Variants in TTC6 observed in about 807,000 individuals in gnomAD.
TTC6 encodes the protein tetratricopeptide repeat domain 6, also known as tetratricopeptide repeat protein 6.
TTC6 carries 172 observed loss-of-function variants against 210.4 expected under a neutral mutation model. That is an observed-to-expected ratio of 0.82 (90% CI 0.72 to 0.93). TTC6 has a LOEUF of 0.93. Among genes scored for constraint, TTC6 ranks in the 40% least tolerant of loss-of-function variants. The pLI, the probability that TTC6 is intolerant of heterozygous loss-of-function variation, is 0.00. For synonymous variants in TTC6, 804 were observed against 819.6 expected, an observed-to-expected ratio of 0.98 and a Z score of 0.32; for missense variants, 2,414 against 2,318.1, an observed-to-expected ratio of 1.04 and a Z score of -0.85.
intron 18 of TTC6, among the ~76,000 whole-genome samples, chr14:37,795,799 T>C (rs2096091436): frequency 6.6e-6 from 1 of 152,174 alleles, no homozygotes; most frequent in South Asian, 2.1e-4. Context: ...TTCCATGCAG[T>C]ATTTCAAATG....
intron 3 of TTC6, among the ~76,000 whole-genome samples, chr14:37,694,243 C>T (rs1286387965): frequency 6.6e-6 from 1 of 152,092 alleles, no homozygotes; most frequent in African/African-American, 2.4e-5. Context: ...ATATGAGGAG[C>T]TCAAACAACT....
At chr14:37,785,428 A>G (rs1352720609) in intron 14 of TTC6, among the ~76,000 whole-genome samples, 1 of 152,166 alleles carries the variant, frequency 6.6e-6, no homozygotes, top group African/African-American at 2.4e-5. Context: ...AAGCTTGTGC[A>G]TGCATCACGT....
chr14:37,792,950 C>T (rs1243166881), intron 17 of TTC6, among the ~76,000 whole-genome samples: 1 of 152,046 alleles, frequency 6.6e-6, no homozygotes, highest in African/African-American at 2.4e-5. Flanking sequence ...TATGCCCCTG[C>T]CGTGACAAAT....
At chr14:37,746,795 G>T (rs1442397003) in intron 10 of TTC6, among the ~76,000 whole-genome samples, 1 of 152,200 alleles carries the variant, frequency 6.6e-6, no homozygotes, top group Non-Finnish European at 1.5e-5. Context: ...GTCATTGAAA[G>T]AAACTTATGC....
intron 24 of TTC6, among the ~76,000 whole-genome samples, chr14:37,810,833 A>G (rs1189783432): frequency 6.6e-6 from 1 of 152,230 alleles, no homozygotes; most frequent in Admixed American, 6.5e-5. Context: ...ACTTTATATT[A>G]ATAAAAATAC....
At position 37,644,739 on chromosome 14, in the gene TTC6, G is replaced by A. The variant is rs138770083; in HGVS notation, c.939+21736G>A. Among the ~76,000 whole-genome samples, 416 of 152,280 alleles carry A rather than the reference G, an allele frequency of 2.7e-3. 9 individuals carry two copies. Among genetic ancestry groups the A allele is most frequent in the Admixed American group, 0.02 (299 of 15,290 alleles). On this transcript the variant is annotated intron_variant, in intron 1 of 30. Coordinates refer to ENST00000553443, the Ensembl canonical transcript of TTC6. ...TATTTAGCCCTGTGCTTGGCACTAA[G>A]TATGGAAAGATTTTGTTATGTGACA...
At chr14:37,825,489 GAC>G (rs2096168812) in intron 27 of TTC6, among the ~76,000 whole-genome samples, 1 of 152,036 alleles carries the variant, frequency 6.6e-6, no homozygotes, top group African/African-American at 2.4e-5. Flanking sequence ...CAGAAAAAAA[GAC>G]AGACTCCAGA....
At chr14:37,723,488 A>G (rs2095865796) in intron 6 of TTC6, among the ~76,000 whole-genome samples, 1 of 152,152 alleles carries the variant, frequency 6.6e-6, no homozygotes, top group East Asian at 1.9e-4. Context: ...TCCAACTCTA[A>G]TCTACCTCAT....
chr14:37,608,743 T>C (rs899311623), intron 2 of TTC6, among the ~76,000 whole-genome samples: 2 of 152,206 alleles, frequency 1.3e-5, no homozygotes, highest in Non-Finnish European at 2.9e-5. Flanking sequence ...GTGGGGAGCC[T>C]CAAATTCTCT....
intron 29 of TTC6, among the ~76,000 whole-genome samples, chr14:37,840,376 A>G (rs770373806): frequency 2.4e-4 from 36 of 152,130 alleles, no homozygotes; most frequent in Non-Finnish European, 1.3e-4. Flanking sequence ...AAAATCCAGG[A>G]CCAGATGGAT....
chr14:37,604,191 C>T lies in TTC6; in HGVS notation c.-234-2472C>T, dbSNP rs1274214493. The stretch of plus-strand genomic sequence containing the variant: ...AGCTCTCCCATGGGAACTGGGCTGC[C>T]GGGGGGCGGAGTCTCAGTGTCCACC... On this transcript the variant is annotated intron_variant, in intron 1 of 2. Transcript: ENST00000556845. Among the ~76,000 whole-genome samples, 9 of 152,222 alleles carry T rather than the reference C, an allele frequency of 5.9e-5. No homozygotes were observed. The South Asian group carries it at 1.0e-3, about 18-fold the overall frequency.
chr14:37,622,002 T>A (rs762243123), upstream of TTC6: 263 of 1,176,152 alleles, frequency 2.2e-4, no homozygotes, highest in Non-Finnish European at 2.9e-4. Flanking sequence ...TATATTTATG[T>A]ATATACGCAC....
At chr14:37,828,885 T>C (rs1335783973) in intron 29 of TTC6, among the ~76,000 whole-genome samples, 1 of 152,052 alleles carries the variant, frequency 6.6e-6, no homozygotes, top group African/African-American at 2.4e-5. Flanking sequence ...TATCCTGTTA[T>C]TTGAGGGTTC....
chr14:37,736,124 G>A (rs1211298817), intron 8 of TTC6, 114 bp downstream of exon 10: 1 of 623,016 alleles, frequency 1.6e-6, no homozygotes, highest in African/African-American at 1.9e-5. Flanking sequence ...GGTGGCTCAT[G>A]TCTGTAATCC....
intron 20 of TTC6, among the ~76,000 whole-genome samples, chr14:37,804,206 A>G (rs75170495): frequency 2.0e-5 from 3 of 152,332 alleles, no homozygotes; most frequent in South Asian, 2.1e-4. Flanking sequence ...TTTGGTGCCA[A>G]TAAAACCCTA....
chr14:37,823,560 G>C (rs1336695940), intron 26 of TTC6, among the ~76,000 whole-genome samples, 187 bp from the exon 29 acceptor site: 1 of 152,026 alleles, frequency 6.6e-6, no homozygotes, highest in Non-Finnish European at 1.5e-5. Context: ...AATCTTCGAA[G>C]GACCTGTCAC....
chr14:37,727,714 G>T (rs1390479892), intron 7 of TTC6, among the ~76,000 whole-genome samples: 2 of 150,148 alleles, frequency 1.3e-5, no homozygotes, highest in Non-Finnish European at 3.0e-5. Flanking sequence ...CTTTTCATTT[G>T]CAGTGTCTTT....
intron 1 of TTC6, among the ~76,000 whole-genome samples, chr14:37,659,884 G>T (rs1349177916): frequency 3.3e-5 from 5 of 152,068 alleles, no homozygotes; most frequent in African/African-American, 1.2e-4. Context: ...AAGCTCATTG[G>T]CTGCATCTGT....
At chr14:37,660,531 G>A (rs759346437) in intron 1 of TTC6, among the ~76,000 whole-genome samples, 1 of 149,298 alleles carries the variant, frequency 6.7e-6, no homozygotes, top group African/African-American at 2.4e-5. Context: ...ATGGCTTCCA[G>A]CCTGGCTGCG....
Sources: allele counts gnomAD v4.1 joint callset (sites outside exome capture counted in the v4.1 genomes callset), GRCh38; gene constraint gnomAD v4.1.1; transcripts MANE v1.5; gene names NCBI Gene and HGNC (gene_info 2026-07-23, HGNC 2026-07-21).